Variants in PARD3B observed in about 807,000 individuals in gnomAD.
PARD3B encodes partitioning defective 3 homolog B.
In PARD3B, 103 loss-of-function variants were observed where a neutral mutation model predicts 130.2. That is an observed-to-expected ratio of 0.79 (90% CI 0.67 to 0.93). PARD3B has a LOEUF of 0.93. Ranked by LOEUF, PARD3B falls within the 40% of genes least tolerant of loss-of-function variation. PARD3B has a pLI of 0.00. For synonymous variants in PARD3B, 583 were observed against 553.2 expected (o/e 1.05, Z -0.76); for missense variants, 1,609 against 1,499.2 (o/e 1.07, Z -1.21).
chr2:205,440,822 G>A lies in PARD3B; in HGVS notation c.3044+150G>A. 1.3e-6 allele frequency: 1 copy of A among 779,226 alleles called. No individual in the cohort carries two copies. Among genetic ancestry groups the A allele is most frequent in the Non-Finnish European group, 2.0e-6 (1 of 496,842 alleles). The allele number at this position is 779,226 out of a possible 1,614,324, so 48.3% of individuals were successfully genotyped here. On this transcript the variant is annotated intron_variant, in intron 20 of 22. Coordinates refer to ENST00000406610, the MANE Select transcript of PARD3B (RefSeq NM_001302769.2). The surrounding 1 kb of genome is among the most constrained non-coding windows in gnomAD (Gnocchi z 4.2). ...ACAAGTGCCATCCTTTGACCGACCT[G>A]TAAGATATCCACCATCAAAAATAAA...
chr2:205,125,713 A>AG lies in PARD3B; in HGVS notation c.1412dup (p.His472ThrfsTer12), dbSNP rs766092571. ...CATCGCTGGTCATTGCCCGCCAAGAAGGACATTTTCTGCCCCGAGAGTTGG... is the reference window on the plus strand; with the variant it reads ...CATCGCTGGTCATTGCCCGCCAAGAAGGGACATTTTCTGCCCCGAGAGTTGG... On this transcript the variant is annotated frameshift_variant, in exon 10 of 23. Coordinates refer to ENST00000406610, the MANE Select transcript of PARD3B (RefSeq NM_001302769.2). LOFTEE classifies it high-confidence loss of function. The surrounding 1 kb of genome is among the most constrained non-coding windows in gnomAD (Gnocchi z 4.0). The AG allele has an allele frequency of 7.4e-6, 12 of 1,614,186 alleles. No homozygotes were observed. The South Asian group carries it at 1.3e-4, about 18-fold the overall frequency.
intron 18 of PARD3B, among the ~76,000 whole-genome samples, chr2:205,307,807 A>G (rs146128450): frequency 0.021 from 3,183 of 152,284 alleles, 47 homozygotes; most frequent in South Asian, 0.032. Context: ...TTTTTTTTAT[A>G]TAATAGCTGC....
chr2:205,333,455 TAA>T (rs1297801431), intron 18 of PARD3B, among the ~76,000 whole-genome samples: 1 of 152,166 alleles, frequency 6.6e-6, no homozygotes, highest in African/African-American at 2.4e-5. Flanking sequence ...AATAGAAAAT[TAA>T]AAGTTACATG....
chr2:205,370,620 T>G (rs1488841594), intron 18 of PARD3B, among the ~76,000 whole-genome samples: 2 of 152,224 alleles, frequency 1.3e-5, no homozygotes, highest in Admixed American at 1.3e-4. Flanking sequence ...CAGTTCATTC[T>G]GTCCTCTTCC....
In PARD3B at chr2:205,011,670, G is replaced by A. The variant is rs1292359325; in HGVS notation, c.395-35911G>A. Among the ~76,000 whole-genome samples, 8 of 152,116 alleles carry A rather than the reference G, an allele frequency of 5.3e-5. 1 individual carries two copies. The highest frequency in any genetic ancestry group is 3.9e-4 in the Admixed American group (6 of 15,270). On this transcript the variant is annotated intron_variant, in intron 3 of 22. Transcript: ENST00000406610. This position sits in a 1 kb window ranked among gnomAD's most constrained non-coding sequence, Gnocchi z 4.1. ...TCTTTTCTCAATTATTTTCCGCAGA[G>A]AAAGACTCCTCTCCATGTGCCTTAC...
chr2:205,389,421 G>T (rs1160462266), intron 18 of PARD3B, among the ~76,000 whole-genome samples: 1 of 152,132 alleles, frequency 6.6e-6, no homozygotes, highest in East Asian at 1.9e-4. Context: ...GGAGTGCAAT[G>T]ACGCTATGTC....
At chr2:205,123,070 A>G (rs950510657) in intron 8 of PARD3B, among the ~76,000 whole-genome samples, 14 of 152,252 alleles carry the variant, frequency 9.2e-5, no homozygotes, top group East Asian at 1.9e-4. Context: ...GAAAGATACG[A>G]CATCACATCT....
chr2:205,479,613 G>A (rs534091444), intron 20 of PARD3B, among the ~76,000 whole-genome samples: 13 of 152,234 alleles, frequency 8.5e-5, no homozygotes, highest in African/African-American at 2.2e-4. Flanking sequence ...CTCCAGCTTC[G>A]TGACCATTAC....
At chr2:205,266,937 A>G (rs2105784379) in intron 16 of PARD3B, among the ~76,000 whole-genome samples, 1 of 152,252 alleles carries the variant, frequency 6.6e-6, no homozygotes, top group South Asian at 2.1e-4. Context: ...GGGCTGTTAA[A>G]AGGATTTTCA....
chr2:204,697,280 A>AGT (rs2037655029), intron 2 of PARD3B, among the ~76,000 whole-genome samples: 1 of 152,102 alleles, frequency 6.6e-6, no homozygotes, highest in African/African-American at 2.4e-5. Flanking sequence ...TGGAAATGGA[A>AGT]GTACCTAGTG....
intron 2 of PARD3B, among the ~76,000 whole-genome samples, chr2:204,903,661 A>C (rs1433146269): frequency 6.6e-6 from 1 of 152,182 alleles, no homozygotes; most frequent in African/African-American, 2.4e-5. Context: ...ATCTGGAATA[A>C]AATGAAGAAT....
intron 16 of PARD3B, among the ~76,000 whole-genome samples, chr2:205,294,497 TTAAAG>T (rs1250969976): frequency 6.6e-6 from 1 of 152,128 alleles, no homozygotes; most frequent in African/African-American, 2.4e-5. Context: ...GTAAAGAAAA[TTAAAG>T]TATATAGCAA....
At chr2:205,551,568 T>C (rs1013394979) in intron 21 of PARD3B, among the ~76,000 whole-genome samples, 14 of 152,254 alleles carry the variant, frequency 9.2e-5, no homozygotes, top group Admixed American at 2.0e-4. Context: ...GTTCCACCTA[T>C]TGATGAAATA....
At chr2:204,618,772 A>G (rs1302474418) in intron 1 of PARD3B, among the ~76,000 whole-genome samples, 1 of 152,200 alleles carries the variant, frequency 6.6e-6, no homozygotes, top group Non-Finnish European at 1.5e-5. Context: ...GAAAAGTAGG[A>G]CTGAACCCCT....
chr2:204,811,325 A>G (rs2042953257), intron 2 of PARD3B, among the ~76,000 whole-genome samples: 1 of 152,140 alleles, frequency 6.6e-6, no homozygotes, highest in Admixed American at 6.5e-5. Flanking sequence ...AAGGTCTTGA[A>G]GTACTTAGTA....
intron 20 of PARD3B, among the ~76,000 whole-genome samples, chr2:205,493,010 C>T (rs1281340754): frequency 6.6e-6 from 1 of 152,006 alleles, no homozygotes; most frequent in African/African-American, 2.4e-5. Context: ...TCTTTATTAC[C>T]AACTGAAAAT....
intron 2 of PARD3B, among the ~76,000 whole-genome samples, chr2:204,789,358 T>C (rs1310368743): frequency 6.6e-6 from 1 of 152,248 alleles, no homozygotes; most frequent in Non-Finnish European, 1.5e-5. Context: ...GTCTGGAATA[T>C]GTTTTTTGAG....
chr2:205,261,768 T>A (rs946649523), intron 16 of PARD3B, among the ~76,000 whole-genome samples: 11 of 152,172 alleles, frequency 7.2e-5, no homozygotes, highest in Non-Finnish European at 4.4e-5. Flanking sequence ...GGAGCTTTTA[T>A]CAGATTATAA....
At position 205,470,296 on chromosome 2, in the gene PARD3B, T is replaced by A. The variant is rs2048780078; in HGVS notation, c.3045-29600T>A. On this transcript the variant is annotated intron_variant, in intron 20 of 22. Coordinates refer to ENST00000406610, the MANE Select transcript of PARD3B (RefSeq NM_001302769.2). The surrounding 1 kb of genome is among the most constrained non-coding windows in gnomAD (Gnocchi z 4.8). Reference sequence around the variant, plus strand: ...TTCTCATTCCTCTTCAAAGTAGCTTTCACAATTAAATCTTTAATGTCATTA... The same window carrying A: ...TTCTCATTCCTCTTCAAAGTAGCTTACACAATTAAATCTTTAATGTCATTA... 6.6e-6 allele frequency among the ~76,000 whole-genome samples: 1 copy of A among 152,220 alleles called. No individual in the cohort carries two copies. Among genetic ancestry groups the A allele is most frequent in the Non-Finnish European group, 1.5e-5 (1 of 68,042 alleles).
Sources: allele counts gnomAD v4.1 joint callset (sites outside exome capture counted in the v4.1 genomes callset), GRCh38; gene constraint gnomAD v4.1.1; non-coding constraint Gnocchi (gnomAD v3.1); transcripts MANE v1.5; gene names NCBI Gene and HGNC (gene_info 2026-07-23, HGNC 2026-07-21).